Variants in NEK1 observed in about 807,000 individuals in gnomAD.
The protein encoded by NEK1 is serine/threonine-protein kinase Nek1.
In NEK1, 137 loss-of-function variants were observed where a neutral mutation model predicts 182.1. The ratio of observed to expected loss-of-function variants is 0.75; its 90% CI spans 0.65 to 0.87. The LOEUF (loss-of-function observed/expected upper bound fraction) is 0.87, where lower values mean the gene tolerates loss of function less well. NEK1 is among the 40% of genes least tolerant of loss of function. The pLI is 0.00. For synonymous variants in NEK1, 513 were observed against 492.2 expected (o/e 1.04, Z -0.56); for missense variants, 1,391 against 1,494.4 (o/e 0.93, Z 1.14).
chr4:169,424,759 C>A lies in NEK1; in HGVS notation c.3016G>T (p.Asp1006Tyr). The change falls in exon 31 of 36, where the codon GAT becomes TAT. Residue 1006 changes from aspartate to tyrosine, a missense_variant. This residue lies in a region of NEK1 where 1,216 missense variants were observed against 1,277.6 expected (regional missense o/e 0.95). Transcript: ENST00000507142. ...AATGGTTCCGGTTGCACAGACTTATCTACATCACATTTAGAGTGCTGAGAA... is the reference window on the plus strand; with the variant it reads ...AATGGTTCCGGTTGCACAGACTTATATACATCACATTTAGAGTGCTGAGAA... The part of the protein sequence containing the change: ...NDSQHSKCDV[D>Y]KSVQPEPFFH... 1 of 1,613,532 alleles carries A rather than the reference C, an allele frequency of 6.2e-7. No individual in the cohort carries two copies. The highest frequency in any genetic ancestry group is 1.3e-5 in the African/African-American group (1 of 75,034).
At chr4:169,581,012 A>G (rs967425170) in intron 10 of NEK1, 110 bp from the exon 11 acceptor site, 1 of 512,664 alleles carries the variant, frequency 2.0e-6, no homozygotes, top group Non-Finnish European at 3.4e-6. Flanking sequence ...TTATGCTGCC[A>G]AATAAACTGT....
chr4:169,540,061 T>G (rs937948759), intron 18 of NEK1, among the ~76,000 whole-genome samples: 2 of 152,194 alleles, frequency 1.3e-5, no homozygotes, highest in African/African-American at 2.4e-5. Flanking sequence ...ATATGATTTA[T>G]AAATTTTGCT....
Position 169,537,898 on chromosome 4 carries a change from G to GCTGC in NEK1, c.1572_1575dup (p.Leu526AlafsTer8). On this transcript the variant is annotated frameshift_variant, in exon 19 of 36. Coordinates refer to ENST00000507142, the MANE Select transcript of NEK1 (RefSeq NM_001199397.3). LOFTEE classifies it high-confidence loss of function. ...ACTTGTTTAGCTCTTTCTACAGCTAGCTGCCCTTTTTGCCTAATTTGGACA... is the reference window on the plus strand; with the variant it reads ...ACTTGTTTAGCTCTTTCTACAGCTAGCTGCCTGCCCTTTTTGCCTAATTTGGACA... 1 of 1,600,690 alleles carries GCTGC rather than the reference G, an allele frequency of 6.2e-7. No homozygotes were observed.
chr4:169,413,954 T>C (rs1734091890), intron 31 of NEK1, among the ~76,000 whole-genome samples: 1 of 152,124 alleles, frequency 6.6e-6, no homozygotes, highest in Non-Finnish European at 1.5e-5. Flanking sequence ...AGGGCAGAGG[T>C]TGCAGTGAGC....
rs931865673 is a variant in NEK1, at chr4:169,415,649, A to G, written c.3223-8902T>C. Among the ~76,000 whole-genome samples, 3 of 152,210 alleles carry G rather than the reference A, an allele frequency of 2.0e-5. No homozygotes were observed. In the South Asian group the frequency reaches 6.2e-4, roughly 31 times the overall value. On this transcript the variant is annotated intron_variant, in intron 31 of 35. Coordinates refer to ENST00000507142, the MANE Select transcript of NEK1 (RefSeq NM_001199397.3). ...GGTATAAACAAATATGTAGTATAAA[A>G]GGAAGGGCAGTCTTCTGGAATAACT...
At position 169,406,639 on chromosome 4, in the gene NEK1, C is replaced by A. The variant is rs1381643586; in HGVS notation, c.3331G>T (p.Glu1111Ter). 1 of 1,607,566 alleles carries A rather than the reference C, an allele frequency of 6.2e-7. No individual in the cohort carries two copies. The highest frequency in any genetic ancestry group is 2.2e-5 in the East Asian group (1 of 44,554). ...GGTCCTTCTTTAATGTTTTCATCTTCAATTTCATCTATTTCAAGATTGTCT... is the reference window on the plus strand; with the variant it reads ...GGTCCTTCTTTAATGTTTTCATCTTAAATTTCATCTATTTCAAGATTGTCT... Reference protein sequence around the residue: ...RQDNLEIDEIEDENIKEGPSD... With the variant: ...RQDNLEIDEI The change falls in exon 32 of 36, where the codon GAA becomes TAA. Residue 1111 changes from glutamate to a stop codon, truncating the protein, a stop_gained. Coordinates refer to ENST00000507142, the MANE Select transcript of NEK1 (RefSeq NM_001199397.3). LOFTEE classifies it high-confidence loss of function.
chr4:169,609,637 CT>C (rs906892033), intron 2 of NEK1, among the ~76,000 whole-genome samples: 176 of 152,194 alleles, frequency 1.2e-3, no homozygotes, highest in African/African-American at 3.6e-3. Flanking sequence ...ACATGCACCC[CT>C]GGCTTGTATT....
At chr4:169,430,151 A>T (rs1737146975) in intron 29 of NEK1, among the ~76,000 whole-genome samples, 1 of 152,052 alleles carries the variant, frequency 6.6e-6, no homozygotes, top group African/African-American at 2.4e-5. Flanking sequence ...AATAGAAAAC[A>T]CTCTCTCTGC....
chr4:169,610,175 T>C, intron 2 of NEK1, among the ~76,000 whole-genome samples: 1 of 152,144 alleles, frequency 6.6e-6, no homozygotes, highest in South Asian at 2.1e-4. Flanking sequence ...CTAATTTTTG[T>C]ATTTTTAGTA....
At chr4:169,436,293 G>C (rs1483432360) in intron 28 of NEK1, among the ~76,000 whole-genome samples, 1 of 152,258 alleles carries the variant, frequency 6.6e-6, no homozygotes, top group Non-Finnish European at 1.5e-5. Flanking sequence ...CCGGAAGCAA[G>C]GAGCTGATGT....
At chr4:169,588,126 A>G (rs530726310) in intron 8 of NEK1, among the ~76,000 whole-genome samples, 3 of 152,242 alleles carry the variant, frequency 2.0e-5, no homozygotes, top group African/African-American at 7.2e-5. Context: ...GCCAGACTAC[A>G]GTGCTGTGAT....
intron 27 of NEK1, among the ~76,000 whole-genome samples, chr4:169,455,675 C>G (rs1224487871): frequency 6.6e-6 from 1 of 152,090 alleles, no homozygotes; most frequent in Non-Finnish European, 1.5e-5. Context: ...TACCTGGAGA[C>G]TTTAACACTA....
chr4:169,419,544 T>C (rs1735116607), intron 31 of NEK1, among the ~76,000 whole-genome samples: 1 of 152,194 alleles, frequency 6.6e-6, no homozygotes, highest in African/African-American at 2.4e-5. Context: ...AATAAAAATG[T>C]ATTGTGGAAT....
intron 10 of NEK1, among the ~76,000 whole-genome samples, chr4:169,583,136 T>C (rs929323180): frequency 6.6e-6 from 1 of 151,700 alleles, no homozygotes; most frequent in Non-Finnish European, 1.5e-5. Flanking sequence ...TTATAGCCTT[T>C]AAAAAAAGGT....
At chr4:169,584,796 T>G (rs1015950750) in intron 10 of NEK1, among the ~76,000 whole-genome samples, 1 of 151,904 alleles carries the variant, frequency 6.6e-6, no homozygotes, top group Non-Finnish European at 1.5e-5. Flanking sequence ...GTGAGGAGAG[T>G]GAAGCACAGA....
chr4:169,481,396 C>T (rs114907386), intron 23 of NEK1, among the ~76,000 whole-genome samples: 1,711 of 152,298 alleles, frequency 0.011, 20 homozygotes, highest in Non-Finnish European at 0.018. Flanking sequence ...GAACCATTAT[C>T]TATGGCTACA....
chr4:169,450,127 G>GA (rs1245298332), intron 27 of NEK1, among the ~76,000 whole-genome samples: 1 of 152,084 alleles, frequency 6.6e-6, no homozygotes, highest in African/African-American at 2.4e-5. Context: ...GAAGTTTAGA[G>GA]AAAAAAGAGT....
chr4:169,556,149 C>CT, intron 16 of NEK1, 54 bp from the exon 17 acceptor site: 1 of 1,479,612 alleles, frequency 6.8e-7, no homozygotes, highest in Non-Finnish European at 9.1e-7. Flanking sequence ...CCTAACAGGC[C>CT]TGTACTAGTC....
At chr4:169,412,030 A>T (rs1383379749) in intron 31 of NEK1, among the ~76,000 whole-genome samples, 1 of 152,154 alleles carries the variant, frequency 6.6e-6, no homozygotes, top group Non-Finnish European at 1.5e-5. Flanking sequence ...GTATTTTATC[A>T]TTTATATTCT....
Sources: allele counts gnomAD v4.1 joint callset (sites outside exome capture counted in the v4.1 genomes callset), GRCh38; gene constraint gnomAD v4.1.1; regional missense constraint gnomAD v4.1.1; transcripts MANE v1.5; gene names NCBI Gene and HGNC (gene_info 2026-07-23, HGNC 2026-07-21).